GPN1: variants seen among roughly 807,000 people sequenced by gnomAD.
GPN1 encodes the protein GPN-loop GTPase 1.
GPN1 carries 44 observed loss-of-function variants against 55.9 expected under a neutral mutation model. The observed-to-expected ratio is 0.79, with a 90% confidence interval of 0.62 to 1.01. GPN1 has a LOEUF of 1.01. Ranked by LOEUF, GPN1 falls within the 50% of genes least tolerant of loss-of-function variation. The probability of loss-of-function intolerance (pLI) is 0.00; values close to 1 mark genes in which losing one functional copy is unlikely to be tolerated. For missense variants in GPN1, 466 were observed against 462.8 expected (o/e 1.01, Z -0.06); for synonymous variants, 179 against 162.5 (o/e 1.10, Z -0.77).
At chr2:27,629,454 G>A (rs1187658621) in intron 1 of GPN1, 2 of 1,512,150 alleles carry the variant, frequency 1.3e-6, no homozygotes, top group African/African-American at 2.8e-5. Context: ...CAAGTTACAA[G>A]TAACTTTAAA....
chr2:27,636,934 T>C (rs1457023557), intron 7 of GPN1, among the ~76,000 whole-genome samples: 1 of 152,192 alleles, frequency 6.6e-6, no homozygotes, highest in Non-Finnish European at 1.5e-5. Context: ...CCTCCCAGCG[T>C]GGCCTCCCAA....
intron 12 of GPN1, among the ~76,000 whole-genome samples, chr2:27,645,524 T>A (rs187366189): frequency 2.2e-4 from 34 of 152,268 alleles, no homozygotes; most frequent in African/African-American, 6.3e-4. Flanking sequence ...AGAAGTGACA[T>A]CTCTATGATG....
chr2:27,641,920 A>C (rs1174927384), intron 11 of GPN1: 1 of 153,618 alleles, frequency 6.5e-6, no homozygotes, highest in African/African-American at 2.4e-5. Context: ...CAAATGATCG[A>C]GTGTCCTGCT....
chr2:27,649,503 C>G (rs1020729479), intron 13 of GPN1, among the ~76,000 whole-genome samples: 2 of 152,130 alleles, frequency 1.3e-5, no homozygotes, highest in African/African-American at 4.8e-5. Context: ...TCCCTCACCC[C>G]CCAAAACTTC....
chr2:27,630,115 A>G (rs1028696849), intron 2 of GPN1, among the ~76,000 whole-genome samples, 163 bp downstream of exon 2: 1 of 152,090 alleles, frequency 6.6e-6, no homozygotes, highest in African/African-American at 2.4e-5. Context: ...GTGAAACTCC[A>G]TCTCTACTAA....
At chr2:27,644,483 G>T (rs1233861944) in intron 12 of GPN1, among the ~76,000 whole-genome samples, 1 of 151,844 alleles carries the variant, frequency 6.6e-6, no homozygotes, top group African/African-American at 2.4e-5. Context: ...TTGCATCTGG[G>T]ATTTTAAGTC....
upstream of GPN1, chr2:27,628,631 T>C (rs1170666282): frequency 5.8e-6 from 9 of 1,551,448 alleles, no homozygotes; most frequent in Admixed American, 2.0e-5. Context: ...CTGAACTGTT[T>C]AACCGCCTCG....
In GPN1 at chr2:27,631,825, G is replaced by T. The variant is rs768908482; in HGVS notation, c.246-9G>T. On this transcript the variant is annotated splice_polypyrimidine_tract_variant and intron_variant, in intron 3 of 13. Coordinates refer to ENST00000610189, the MANE Select transcript of GPN1 (RefSeq NM_007266.4). The stretch of plus-strand genomic sequence containing the variant: ...TATAAGCGATTTCAGTCCTCAACTT[G>T]GTGTCTAGATATGGACTTGGACCCA... 1.0e-5 allele frequency: 16 copies of T among 1,543,452 alleles called. No homozygotes were observed. Among genetic ancestry groups the T allele is most frequent in the South Asian group, 4.5e-5 (4 of 89,574 alleles).
At chr2:27,638,784 A>G (rs1673830286) in intron 8 of GPN1, 101 bp from the exon 9 acceptor site, 4 of 972,174 alleles carry the variant, frequency 4.1e-6, no homozygotes, top group Non-Finnish European at 6.1e-6. Flanking sequence ...GAGAAAGAAA[A>G]TATATGGATG....
intron 3 of GPN1, chr2:27,631,268 C>G (rs1022170051): frequency 1.7e-6 from 1 of 578,332 alleles, no homozygotes; most frequent in Non-Finnish European, 3.1e-6. Flanking sequence ...AGATGGCAGG[C>G]TGTTGTAATT....
chr2:27,634,288 G>A (rs1324575913), intron 5 of GPN1, among the ~76,000 whole-genome samples: 2 of 152,022 alleles, frequency 1.3e-5, no homozygotes, highest in African/African-American at 4.8e-5. Context: ...TCACAAAAAA[G>A]TTGATATAGT....
rs191105667 is a variant in GPN1, at chr2:27,641,995, T to G, written c.841-434T>G. ...GCTATGTCTACTTCAGGTTTTTGTG[T>G]TTTTTTTCCCCCATATAATAAAGTT... On this transcript the variant is annotated intron_variant, in intron 11 of 13. Coordinates refer to ENST00000610189, the MANE Select transcript of GPN1 (RefSeq NM_007266.4). 5.6e-3 allele frequency: 858 copies of G among 153,948 alleles called. 4 individuals are homozygous for G. The highest frequency in any genetic ancestry group is 6.7e-3 in the Admixed American group (104 of 15,444). 9.5% of individuals were successfully genotyped at this position (153,948 alleles called of 1,614,324 possible).
At chr2:27,629,021 G>A (rs1250712887), upstream of GPN1, 3 of 1,613,282 alleles carry the variant, frequency 1.9e-6, no homozygotes, top group Admixed American at 5.0e-5. Context: ...CTACCCATGC[G>A]GTGTCTCTAT....
At chr2:27,631,785 C>A in intron 3 of GPN1, 49 bp from the exon 4 acceptor site, 1 of 1,078,810 alleles carries the variant, frequency 9.3e-7, no homozygotes, top group Non-Finnish European at 1.4e-6. Flanking sequence ...TAGGTATGAA[C>A]TTTATAATCT....
At chr2:27,647,244 G>C (rs186258098) in intron 12 of GPN1, among the ~76,000 whole-genome samples, 2 of 152,202 alleles carry the variant, frequency 1.3e-5, no homozygotes, top group Non-Finnish European at 2.9e-5. Context: ...CATGGCAGTA[G>C]TGACTTGATT....
intron 9 of GPN1, among the ~76,000 whole-genome samples, chr2:27,639,766 CTCCT>C (rs1226586271): frequency 2.0e-5 from 3 of 152,186 alleles, no homozygotes; most frequent in Non-Finnish European, 2.9e-5. Flanking sequence ...TCAAGTGCAC[CTCCT>C]GCCTCAGCCT....
At chr2:27,641,390 TA>T (rs1416341720) in intron 11 of GPN1, 111 bp downstream of exon 11, 5 of 721,542 alleles carry the variant, frequency 6.9e-6, no homozygotes, top group Middle Eastern at 3.5e-4. Context: ...TTTATTTAAT[TA>T]AAAAAGTTTT....
upstream of GPN1, chr2:27,629,000 CG>C (rs757949322): frequency 3.7e-6 from 6 of 1,608,532 alleles, no homozygotes; most frequent in Non-Finnish European, 5.1e-6. Flanking sequence ...CAGAACATTG[CG>C]GAAGTTTCTC....
chr2:27,638,966 A>G lies in GPN1; in HGVS notation c.652A>G (p.Thr218Ala). The change falls in exon 9 of 14, where the codon ACA becomes GCA. Residue 218 changes from threonine (T) to alanine (A), a missense_variant. Thr to Ala is a moderately conservative substitution (Grantham distance 58). Transcript: ENST00000610189. ...AFQDALNQET[T>A]YVSNLTRSMS... ...CCAAGATGCCTTGAATCAAGAGACT[A>G]CATACGTCAGTAACCTGACTCGTTC... is the stretch of plus-strand genomic sequence containing the variant. 2 of 1,613,364 alleles carry G rather than the reference A, an allele frequency of 1.2e-6. No homozygotes were observed. The highest frequency in any genetic ancestry group is 1.3e-5 in the African/African-American group (1 of 75,042).
Sources: gnomAD v4.1 joint callset for allele counts (sites outside exome capture counted in the v4.1 genomes callset) on GRCh38, gnomAD v4.1.1 for gene constraint, MANE v1.5 for transcripts, NCBI Gene and HGNC (gene_info 2026-07-23, HGNC 2026-07-21) for gene names.